The following ARHGAP21 variants were observed in gnomAD, a reference collection of about 807,000 sequenced individuals.
The protein encoded by ARHGAP21 is rho GTPase-activating protein 21.
Under a neutral mutation model 164.6 loss-of-function variants are expected in ARHGAP21, and 38 were observed. The ratio of observed to expected loss-of-function variants is 0.23; its 90% CI spans 0.18 to 0.30. ARHGAP21 has a LOEUF of 0.30. Among genes scored for constraint, ARHGAP21 ranks in the 10% least tolerant of loss-of-function variants. The pLI, the probability that ARHGAP21 is intolerant of heterozygous loss-of-function variation, is 1.00. For missense variants in ARHGAP21, 1,822 were observed against 2,370.7 expected (o/e 0.77, Z 4.81); for synonymous variants, 766 against 857.9 (o/e 0.89, Z 1.87).
At chr10:24,706,376 A>C (rs1844227323) in intron 2 of ARHGAP21, 1 of 152,236 alleles carries the variant, frequency 6.6e-6, no homozygotes, top group Admixed American at 6.5e-5. Flanking sequence ...TTTTGACAAA[A>C]AAAAAATTCT....
intron 4 of ARHGAP21, among the ~76,000 whole-genome samples, chr10:24,664,160 T>C (rs1344305740): frequency 6.6e-6 from 1 of 152,136 alleles, no homozygotes; most frequent in Non-Finnish European, 1.5e-5. Context: ...CAGTGCAAAA[T>C]GTTGTTTTCT....
chr10:24,652,075 C>T (rs557655878), intron 4 of ARHGAP21, among the ~76,000 whole-genome samples: 1 of 152,280 alleles, frequency 6.6e-6, no homozygotes, highest in South Asian at 2.1e-4. Flanking sequence ...CATGCAATCT[C>T]CGTCGCATAT....
rs911643957 is a variant in ARHGAP21 at position 24,670,397 on chromosome 10, C to G, written c.64G>C (p.Val22Leu). 7 of 1,572,682 alleles carry G rather than the reference C, an allele frequency of 4.5e-6. No homozygotes were observed. The highest frequency in any genetic ancestry group is 6.0e-6 in the Non-Finnish European group (7 of 1,157,698). The change falls in exon 3 of 26, where the codon GTC becomes CTC. Residue 22 changes from valine (V) to leucine (L), a missense_variant and splice_region_variant. Around this residue, in one of 5 missense-constraint regions of ARHGAP21, gnomAD observed 1,090 missense variants for 1,378.9 expected, o/e 0.79. Transcript: ENST00000396432. ...GDGDKLKACE[V>L]SKNKDGKEQS... ...TCTTTTCCATCTTTATTTTTTGAGA[C>G]CTAAAGTGAAAAGATATTTAAAAGT...
intron 9 of ARHGAP21, among the ~76,000 whole-genome samples, 171 bp downstream of exon 9, chr10:24,619,302 T>C (rs542110809): frequency 6.6e-6 from 1 of 152,298 alleles, no homozygotes; most frequent in Admixed American, 6.5e-5. Context: ...TAGAAATAAC[T>C]TTTAAAGAGG....
chr10:24,585,878 T>C lies in ARHGAP21; in HGVS notation c.4411A>G (p.Ile1471Val). The change falls in exon 26 of 26, where the codon ATC becomes GTC. Residue 1471 changes from isoleucine (I) to valine (V), a missense_variant. Ile to Val is a conservative substitution (Grantham distance 29). Transcript: ENST00000396432. ...ESETLGRKQK[I>V]IIAKENSTRK... ...GTGCTGTTTTCTTTGGCAATGATGA[T>C]CTTCTGTTTTCTGCCCAGTGTCTCA... 6.2e-7 allele frequency: 1 copy of C among 1,614,022 alleles called. No homozygotes were observed.
chr10:24,626,568 G>A (rs1000500318), intron 7 of ARHGAP21, among the ~76,000 whole-genome samples: 2 of 152,130 alleles, frequency 1.3e-5, no homozygotes, highest in Non-Finnish European at 2.9e-5. Context: ...CCAGCCTCCA[G>A]AATATGAGAA....
chr10:24,640,336 TGAGA>T (rs1836874415), intron 4 of ARHGAP21: 1 of 151,378 alleles, frequency 6.6e-6, no homozygotes, highest in Non-Finnish European at 1.5e-5. Flanking sequence ...TGGTTATAAC[TGAGA>T]TTGAGCTTTT....
At chr10:24,664,955 A>G (rs1360205647) in intron 4 of ARHGAP21, among the ~76,000 whole-genome samples, 2 of 152,192 alleles carry the variant, frequency 1.3e-5, no homozygotes, top group Non-Finnish European at 2.9e-5. Context: ...AATGATCTGC[A>G]TGAAGTTTTA....
At chr10:24,674,765 G>A (rs973725857) in intron 2 of ARHGAP21, among the ~76,000 whole-genome samples, 1 of 151,962 alleles carries the variant, frequency 6.6e-6, no homozygotes, top group African/African-American at 2.4e-5. Flanking sequence ...TTATGAAAAC[G>A]AAAAGGCAAG....
chr10:24,677,360 G>A (rs78899401), intron 2 of ARHGAP21, among the ~76,000 whole-genome samples: 1 of 152,268 alleles, frequency 6.6e-6, no homozygotes, highest in African/African-American at 2.4e-5. Context: ...CTAGAAAGAT[G>A]CATCAAAGCA....
At chr10:24,625,820 T>C (rs1294112908) in intron 7 of ARHGAP21, among the ~76,000 whole-genome samples, 1 of 152,152 alleles carries the variant, frequency 6.6e-6, no homozygotes, top group Non-Finnish European at 1.5e-5. Flanking sequence ...AATTATCACA[T>C]ATCCATAGAG....
At chr10:24,644,240 A>G (rs1440718307) in intron 4 of ARHGAP21, among the ~76,000 whole-genome samples, 3 of 152,022 alleles carry the variant, frequency 2.0e-5, no homozygotes, top group Non-Finnish European at 4.4e-5. Flanking sequence ...GAAAATCCCT[A>G]GTCTTCTCTC....
chr10:24,595,521 A>G (rs1324458162), intron 19 of ARHGAP21, among the ~76,000 whole-genome samples, 196 bp downstream of exon 19: 1 of 152,228 alleles, frequency 6.6e-6, no homozygotes, highest in Admixed American at 6.5e-5. Context: ...TTGGCTGCAA[A>G]CATGTATGAA....
intron 8 of ARHGAP21, 102 bp from the exon 9 acceptor site, chr10:24,621,471 G>A: frequency 9.3e-7 from 1 of 1,071,480 alleles, no homozygotes; most frequent in Non-Finnish European, 1.3e-6. Flanking sequence ...CCTCGTTCCT[G>A]AGTGACATTC....
In ARHGAP21 at chr10:24,585,262, C is replaced by T; in HGVS notation, c.5027G>A (p.Cys1676Tyr). 1 of 1,606,676 alleles carries T rather than the reference C, an allele frequency of 6.2e-7. No individual in the cohort carries two copies. The highest frequency in any genetic ancestry group is 8.5e-7 in the Non-Finnish European group (1 of 1,178,630). Residue 1676 changes from cysteine to tyrosine, a missense_variant, in exon 26 of 26, where the codon TGC becomes TAC. This residue lies in a region of ARHGAP21 where 117 missense variants were observed against 193.2 expected (regional missense o/e 0.61). Coordinates refer to ENST00000396432, the MANE Select transcript of ARHGAP21 (RefSeq NM_020824.4). ...ACTTGATGTTAAACTTCCCTCGGTGCAACTTAATTCACTTCCTTCAGAATT... is the reference window on the plus strand; with the variant it reads ...ACTTGATGTTAAACTTCCCTCGGTGTAACTTAATTCACTTCCTTCAGAATT... ...RRNSEGSELSCTEGSLTSSLD... is the reference protein window; with the variant it reads ...RRNSEGSELSYTEGSLTSSLD...
chr10:24,591,642 A>G lies in ARHGAP21; in HGVS notation c.4044T>C (p.Leu1348=), dbSNP rs770687693. Residue 1348 remains leucine, a splice_region_variant and synonymous_variant, in exon 23 of 26, where the codon CTT becomes CTC. Coordinates refer to ENST00000396432, the MANE Select transcript of ARHGAP21 (RefSeq NM_020824.4). ...FFTEEGAEEP[L]TTVQEESTVD... is the part of the protein sequence containing the mutation. Reference sequence around the variant, plus strand: ...ACAAATGCTGACAGACAATACTTACAAGAGGCTCTTCAGCACCTTCTTCTG... The same window carrying G: ...ACAAATGCTGACAGACAATACTTACGAGAGGCTCTTCAGCACCTTCTTCTG... 24 of 1,614,082 alleles carry G rather than the reference A, an allele frequency of 1.5e-5. No individual in the cohort carries two copies. The highest frequency in any genetic ancestry group is 2.0e-5 in the Non-Finnish European group (24 of 1,179,936).
chr10:24,654,334 A>C (rs1838556952), intron 4 of ARHGAP21, among the ~76,000 whole-genome samples: 1 of 152,034 alleles, frequency 6.6e-6, no homozygotes, highest in Admixed American at 6.6e-5. Context: ...AGGAGGTCAA[A>C]TTGTCCCTGT....
intron 9 of ARHGAP21, among the ~76,000 whole-genome samples, chr10:24,609,321 C>A (rs1437311150): frequency 6.6e-6 from 1 of 152,186 alleles, no homozygotes; most frequent in East Asian, 1.9e-4. Flanking sequence ...GGTATTCATT[C>A]AATCTCTTCC....
intron 4 of ARHGAP21, among the ~76,000 whole-genome samples, chr10:24,638,208 T>A (rs1164238474): frequency 6.6e-6 from 1 of 152,090 alleles, no homozygotes. Context: ...AAATCTGACT[T>A]GCTACCTAGA....
Sources: allele counts gnomAD v4.1 joint callset (sites outside exome capture counted in the v4.1 genomes callset), GRCh38; gene constraint gnomAD v4.1.1; regional missense constraint gnomAD v4.1.1; transcripts MANE v1.5; gene names NCBI Gene and HGNC (gene_info 2026-07-23, HGNC 2026-07-21).